The following GOLGA3 variants were observed in gnomAD, a reference collection of about 807,000 sequenced individuals.
GOLGA3 encodes golgin subfamily A member 3.
Under a neutral mutation model 169.4 loss-of-function variants are expected in GOLGA3, and 75 were observed. The ratio of observed to expected loss-of-function variants is 0.44; its 90% CI spans 0.37 to 0.54. GOLGA3 has a LOEUF of 0.54. GOLGA3 is among the 20% of genes least tolerant of loss of function. The pLI is 0.00. For missense variants in GOLGA3, 1,899 were observed against 1,930.0 expected (o/e 0.98, Z 0.30); for synonymous variants, 824 against 822.4 (o/e 1.00, Z -0.03).
chr12:132,812,218 T>C (rs2316846), intron 4 of GOLGA3, among the ~76,000 whole-genome samples: 16,830 of 61,098 alleles, frequency 0.28, 1,204 homozygotes, highest in South Asian at 0.37. Flanking sequence ...CACACATATA[T>C]ATATATATAT....
intron 12 of GOLGA3, among the ~76,000 whole-genome samples, chr12:132,789,928 G>A (rs1353939310): frequency 3.9e-5 from 6 of 152,124 alleles, no homozygotes; most frequent in Admixed American, 1.3e-4. Context: ...AGCTACTCAC[G>A]AGGCTGAGGC....
chr12:132,777,412 G>A lies in GOLGA3; in HGVS notation c.3722+254C>T, dbSNP rs901059720. On this transcript the variant is annotated intron_variant, in intron 19 of 23. Transcript: ENST00000450791. The surrounding 1 kb of genome is among the most constrained non-coding windows in gnomAD (Gnocchi z 4.7). ...CACAGCATCAGCCCCGCGCCGGGCC[G>A]CCCCTTCCCGCCTCTGACCTGAAGC... Among the ~76,000 whole-genome samples, 8 of 152,024 alleles carry A rather than the reference G, an allele frequency of 5.3e-5. No homozygotes were observed. Among genetic ancestry groups the A allele is most frequent in the Middle Eastern group, 3.2e-3 (1 of 316 alleles).
chr12:132,779,581 T>A (rs947652475), intron 18 of GOLGA3, among the ~76,000 whole-genome samples: 1 of 152,222 alleles, frequency 6.6e-6, no homozygotes, highest in African/African-American at 2.4e-5. Context: ...AATTACTTTT[T>A]TACAAGTTCA....
In GOLGA3 at chr12:132,822,162, G is replaced by A. The variant is rs1194042398; in HGVS notation, c.-34C>T. On this transcript the variant is annotated 5_prime_UTR_variant, in exon 2 of 24. Coordinates refer to ENST00000450791, the MANE Select transcript of GOLGA3 (RefSeq NM_001389683.1). Reference sequence around the variant, plus strand: ...CGACACCAGCTGAGCTGACGCTGAGGGGCTACAAGTGAACCTTGGACAAGC... The same window carrying A: ...CGACACCAGCTGAGCTGACGCTGAGAGGCTACAAGTGAACCTTGGACAAGC... 1.3e-6 allele frequency: 2 copies of A among 1,578,230 alleles called. No homozygotes were observed. The highest frequency in any genetic ancestry group is 2.4e-5 in the East Asian group (1 of 41,744).
At chr12:132,782,834 C>T (rs2045678055) in intron 16 of GOLGA3, among the ~76,000 whole-genome samples, 1 of 150,970 alleles carries the variant, frequency 6.6e-6, no homozygotes, top group Non-Finnish European at 1.5e-5. Context: ...TGAGATTGTG[C>T]CCCTGCACTC....
rs1161144811 is a variant in GOLGA3, at chr12:132,808,254, G to A, written c.815C>T (p.Ser272Phe). 4 of 1,614,084 alleles carry A rather than the reference G, an allele frequency of 2.5e-6. No homozygotes were observed. Among genetic ancestry groups the A allele is most frequent in the Non-Finnish European group, 3.4e-6 (4 of 1,180,034 alleles). The change falls in exon 5 of 24, where the codon TCC (serine) becomes TTC (phenylalanine). Residue 272 changes from serine to phenylalanine, a missense_variant. Transcript: ENST00000450791. The part of the protein sequence containing the change: ...NVPAPDSTKG[S>F]LKQNRSSAAS... ...CGCACTGCTTCTGTTCTGCTTCAGG[G>A]AACCCTTGGTAGAATCGGGAGCCGG...
intron 13 of GOLGA3, among the ~76,000 whole-genome samples, chr12:132,788,498 C>T (rs1434931533): frequency 6.6e-6 from 1 of 152,178 alleles, no homozygotes. Flanking sequence ...GAGAAACTGT[C>T]ACCAGCATCT....
chr12:132,777,059 C>A lies in GOLGA3; in HGVS notation c.3754G>T (p.Ala1252Ser). The A allele has an allele frequency of 6.2e-7, 1 of 1,602,786 alleles. No homozygotes were observed. Among genetic ancestry groups the A allele is most frequent in the East Asian group, 2.2e-5 (1 of 44,818 alleles). ...TCGGCCAGCTCTGCTTGGAACTGTGCTATCTCCTGGGAATGTTTCCCCTCC... is the reference window on the plus strand; with the variant it reads ...TCGGCCAGCTCTGCTTGGAACTGTGATATCTCCTGGGAATGTTTCCCCTCC... ...IREGKHSQEI[A>S]QFQAELAEAR... is the part of the protein sequence containing the mutation. The change falls in exon 20 of 24, where the codon GCA becomes TCA. Residue 1252 changes from alanine to serine, a missense_variant. By Grantham distance (99) the Ala-to-Ser change is moderately conservative. Transcript: ENST00000450791. This position sits in a 1 kb window ranked among gnomAD's most constrained non-coding sequence, Gnocchi z 4.7.
At position 132,774,880 on chromosome 12, in the gene GOLGA3, C is replaced by T. The variant is rs1593219460; in HGVS notation, c.4143+261G>A. 4 of 533,098 alleles carry T rather than the reference C, an allele frequency of 7.5e-6. No individual in the cohort carries two copies. In the East Asian group the frequency reaches 9.5e-5, roughly 13 times the overall value. 33.0% of individuals were successfully genotyped at this position (533,098 alleles called of 1,614,324 possible). Reference sequence around the variant, plus strand: ...ACAGCAGGGACTGCCGAGTCACAGACCACCGCTCATCTGCTTTACAAAGCA... The same window carrying T: ...ACAGCAGGGACTGCCGAGTCACAGATCACCGCTCATCTGCTTTACAAAGCA... On this transcript the variant is annotated intron_variant, in intron 22 of 23. Transcript: ENST00000450791.
At chr12:132,808,896 GCGA>G (rs1202150336) in intron 4 of GOLGA3, among the ~76,000 whole-genome samples, 2 of 152,222 alleles carry the variant, frequency 1.3e-5, no homozygotes, top group Admixed American at 6.5e-5. Flanking sequence ...CCTGTGTGCG[GCGA>G]CGAGAGTGTA....
At chr12:132,793,047 G>C (rs58336631) in intron 11 of GOLGA3, among the ~76,000 whole-genome samples, 37 of 43,392 alleles carry the variant, frequency 8.5e-4, no homozygotes, top group African/African-American at 2.7e-3. Context: ...CAGACCCACC[G>C]CACGGGACCC....
In GOLGA3 at chr12:132,785,077, A is replaced by C. The variant is rs1386255362; in HGVS notation, c.3124-770T>G. Among the ~76,000 whole-genome samples, 3 of 152,228 alleles carry C rather than the reference A, an allele frequency of 2.0e-5. No homozygotes were observed. In the East Asian group the frequency reaches 5.8e-4, roughly 29 times the overall value. ...TTTGGCCTCATTTTGCTGAGGATCA[A>C]AAAGGTGAGAAATTTGCCAAAAGTC... On this transcript the variant is annotated intron_variant, in intron 15 of 23. Coordinates refer to ENST00000450791, the MANE Select transcript of GOLGA3 (RefSeq NM_001389683.1).
rs1043018941 is a variant in GOLGA3 at position 132,828,838 on chromosome 12, C to G, written c.-219G>C. The G allele has an allele frequency of 6.6e-6, 1 of 152,256 alleles. No individual in the cohort carries two copies. The highest frequency in any genetic ancestry group is 1.5e-5 in the Non-Finnish European group (1 of 68,054). 9.4% of individuals were successfully genotyped at this position (152,256 alleles called of 1,614,324 possible). On this transcript the variant is annotated 5_prime_UTR_variant, in exon 1 of 24. Transcript: ENST00000450791. ...TGGCAGCCCCGGAGGCCGCCCGGCC[C>G]GGATGCTCCGGCGGAGACGTGGCCG...
In GOLGA3 at chr12:132,777,892, C is replaced by A; in HGVS notation, c.3583-87G>T. 7.1e-7 allele frequency: 1 copy of A among 1,415,950 alleles called. No homozygotes were observed. 87.7% of individuals were successfully genotyped at this position (1,415,950 alleles called of 1,614,324 possible). A position where few individuals can be genotyped will look rare whatever the true frequency, so the allele number is the denominator to read the frequency against. ...CGGGCGCAGGGGGTGAATGCACTCC[C>A]GGCCCCGTGCATGTCCTGGCTGCCG... On this transcript the variant is annotated intron_variant, in intron 18 of 23. Coordinates refer to ENST00000450791, the MANE Select transcript of GOLGA3 (RefSeq NM_001389683.1). The surrounding 1 kb of genome is among the most constrained non-coding windows in gnomAD (Gnocchi z 4.7).
At chr12:132,775,378 T>G in intron 21 of GOLGA3, 73 bp from the exon 22 acceptor site, 2 of 1,373,896 alleles carry the variant, frequency 1.5e-6, no homozygotes, top group Non-Finnish European at 2.0e-6. Context: ...AGTTTGTATT[T>G]TCATAGGTTA....
intron 7 of GOLGA3, among the ~76,000 whole-genome samples, chr12:132,802,915 C>T (rs1197218506): frequency 6.6e-6 from 1 of 152,132 alleles, no homozygotes; most frequent in East Asian, 1.9e-4. Context: ...ATTAGCCGGG[C>T]GCGGTGGCAG....
At chr12:132,826,126 C>T (rs1421093770) in intron 1 of GOLGA3, 9 of 1,567,234 alleles carry the variant, frequency 5.7e-6, no homozygotes, top group Middle Eastern at 3.8e-4. Flanking sequence ...AGACAGTGCA[C>T]CTCAACGTGC....
intron 2 of GOLGA3, among the ~76,000 whole-genome samples, chr12:132,821,716 C>T (rs939842373): frequency 1.8e-4 from 27 of 148,546 alleles, no homozygotes; most frequent in South Asian, 6.5e-4. Context: ...TAGCCGGGCG[C>T]GGTGGCGGGC....
At chr12:132,828,929 T>A (rs1375679369), upstream of GOLGA3, 2 of 152,270 alleles carry the variant, frequency 1.3e-5, no homozygotes, top group Non-Finnish European at 2.9e-5. Context: ...CGCGCTACTT[T>A]CGTTCCGGAA....
Sources: allele counts gnomAD v4.1 joint callset (sites outside exome capture counted in the v4.1 genomes callset), GRCh38; gene constraint gnomAD v4.1.1; non-coding constraint Gnocchi (gnomAD v3.1); transcripts MANE v1.5; gene names NCBI Gene and HGNC (gene_info 2026-07-23, HGNC 2026-07-21).